Variants in BICRAL observed in about 807,000 individuals in gnomAD.
BICRAL encodes the protein BRD4-interacting chromatin-remodeling complex-associated protein-like.
A neutral mutation model predicts 91.8 loss-of-function variants in BICRAL; 8 were observed. The observed-to-expected ratio is 0.09, with a 90% CI of 0.05 to 0.16. BICRAL has a LOEUF of 0.16. Ranked by LOEUF, BICRAL falls within the 10% of genes least tolerant of loss-of-function variation. BICRAL has a pLI of 1.00. For missense variants in BICRAL, 1,038 were observed against 1,310.9 expected (o/e 0.79, Z 3.21); for synonymous variants, 445 against 491.1 (o/e 0.91, Z 1.24).
At chr6:42,839,441 G>T (rs1466211103) in intron 6 of BICRAL, among the ~76,000 whole-genome samples, 1 of 151,952 alleles carries the variant, frequency 6.6e-6, no homozygotes, top group Non-Finnish European at 1.5e-5. Context: ...ACCAGGCCCG[G>T]CCCAGGATTT....
intron 1 of BICRAL, among the ~76,000 whole-genome samples, chr6:42,769,664 C>T (rs141621220): frequency 5.6e-4 from 86 of 152,248 alleles, no homozygotes; most frequent in Middle Eastern, 6.8e-3. Flanking sequence ...CATGTGTGCT[C>T]GGAGCCCTCA....
Position 42,828,809 on chromosome 6 carries a change from C to T in BICRAL, c.476C>T (p.Ser159Leu). Reference sequence around the variant, plus strand: ...CAGGCTTCTAATGTTTCTAATTACTCAGGTCAGACGCTGCAGCCTATAGGG... The same window carrying T: ...CAGGCTTCTAATGTTTCTAATTACTTAGGTCAGACGCTGCAGCCTATAGGG... ...FTQASNVSNY[S>L]GQTLQPIGVT... is the part of the protein sequence containing the mutation. The change falls in exon 6 of 13, where the codon TCA becomes TTA. Residue 159 changes from serine (S) to leucine (L), a missense_variant. By Grantham distance (145) the Ser-to-Leu change is moderately radical. This residue lies in a region of BICRAL where 532 missense variants were observed against 724.9 expected (regional missense o/e 0.73). Transcript: ENST00000314073. The T allele has an allele frequency of 6.2e-7, 1 of 1,614,186 alleles. No individual in the cohort carries two copies. Among genetic ancestry groups the T allele is most frequent in the Non-Finnish European group, 8.5e-7 (1 of 1,180,010 alleles).
intron 1 of BICRAL, among the ~76,000 whole-genome samples, chr6:42,753,070 G>C (rs1762405181): frequency 6.6e-6 from 1 of 151,920 alleles, no homozygotes; most frequent in African/African-American, 2.4e-5. Flanking sequence ...GGGACGACAG[G>C]CACTTGCCAC....
chr6:42,851,540 T>A (rs1344741044), intron 6 of BICRAL, among the ~76,000 whole-genome samples: 3 of 152,216 alleles, frequency 2.0e-5, no homozygotes, highest in Non-Finnish European at 2.9e-5. Context: ...TTAAATTGAT[T>A]TTCATTTCTC....
intron 1 of BICRAL, among the ~76,000 whole-genome samples, chr6:42,756,919 T>C (rs962620307): frequency 1.9e-3 from 131 of 69,324 alleles, no homozygotes; most frequent in Middle Eastern, 7.1e-3. Flanking sequence ...TCTCTCCCTC[T>C]CCCCCCCCCC....
intron 1 of BICRAL, among the ~76,000 whole-genome samples, chr6:42,748,229 A>G (rs1482005947): frequency 6.7e-6 from 1 of 148,668 alleles, no homozygotes; most frequent in Non-Finnish European, 1.5e-5. Context: ...TAGCTGCTTT[A>G]TTTTATGAAA....
At chr6:42,763,262 ATG>A (rs1762581752) in intron 1 of BICRAL, among the ~76,000 whole-genome samples, 1 of 152,234 alleles carries the variant, frequency 6.6e-6, no homozygotes, top group South Asian at 2.1e-4. Flanking sequence ...AAAGACACAG[ATG>A]TAAGTCTTTA....
At chr6:42,781,596 G>GGT (rs61437847), upstream of BICRAL, among the ~76,000 whole-genome samples, 2,870 of 103,404 alleles carry the variant, frequency 0.028, 62 homozygotes, top group Middle Eastern at 0.077. Context: ...TGGGTGGGTG[G>GGT]GTGTGTGTGT....
chr6:42,827,313 TATC>T (rs1478025515), intron 5 of BICRAL, among the ~76,000 whole-genome samples: 1 of 152,226 alleles, frequency 6.6e-6, no homozygotes, highest in Admixed American at 6.5e-5. Context: ...CGTAAGATCA[TATC>T]ATGCAGGATA....
intron 1 of BICRAL, among the ~76,000 whole-genome samples, chr6:42,756,721 G>A (rs1312852838): frequency 6.6e-6 from 1 of 151,892 alleles, no homozygotes; most frequent in African/African-American, 2.4e-5. Context: ...GGCTTACACA[G>A]CAATAATTTC....
Position 42,865,503 on chromosome 6 carries a change from G to T in BICRAL, c.*57G>T. The T allele has an allele frequency of 1.1e-6, 1 of 883,018 alleles. No individual in the cohort carries two copies. The highest frequency in any genetic ancestry group is 1.6e-5 in the South Asian group (1 of 61,192). The allele number at this position is 883,018 out of a possible 1,614,324, so 54.7% of individuals were successfully genotyped here. A position where few individuals can be genotyped will look rare whatever the true frequency, so the allele number is the denominator to read the frequency against. On this transcript the variant is annotated 3_prime_UTR_variant, in exon 13 of 13. Transcript: ENST00000314073. Reference sequence around the variant, plus strand: ...GACCCCACCCCGAGACCCCACCCCGGACCAGTTACATTCGTTCCTGGCAAA... The same window carrying T: ...GACCCCACCCCGAGACCCCACCCCGTACCAGTTACATTCGTTCCTGGCAAA...
chr6:42,852,869 G>A (rs113008470), intron 7 of BICRAL, among the ~76,000 whole-genome samples: 62 of 151,718 alleles, frequency 4.1e-4, no homozygotes, highest in African/African-American at 1.2e-3. Context: ...AGGCCGAGGC[G>A]GGCAGATCAT....
chr6:42,770,295 C>T (rs1056408470), intron 1 of BICRAL, among the ~76,000 whole-genome samples: 3 of 152,086 alleles, frequency 2.0e-5, no homozygotes, highest in Admixed American at 1.3e-4. Flanking sequence ...GAGGCGTGAT[C>T]TCGGCTCACT....
chr6:42,819,459 G>A (rs1394044509), intron 2 of BICRAL, among the ~76,000 whole-genome samples: 1 of 151,582 alleles, frequency 6.6e-6, no homozygotes, highest in Non-Finnish European at 1.5e-5. Flanking sequence ...CTAATTTTTT[G>A]TATTTTTAGT....
At chr6:42,841,599 C>T (rs1013623364) in intron 6 of BICRAL, among the ~76,000 whole-genome samples, 2 of 152,116 alleles carry the variant, frequency 1.3e-5, no homozygotes, top group Non-Finnish European at 2.9e-5. Flanking sequence ...TATTTTCAGA[C>T]GTCTGGACTT....
At position 42,829,177 on chromosome 6, in the gene BICRAL, T is replaced by C; in HGVS notation, c.844T>C (p.Phe282Leu). ...SPVAQPVTVP[F>L]NSTNFQTSLP... Reference sequence around the variant, plus strand: ...AGTAGCACAGCCTGTTACCGTTCCATTTAACAGCACAAATTTTCAAACATC... The same window carrying C: ...AGTAGCACAGCCTGTTACCGTTCCACTTAACAGCACAAATTTTCAAACATC... The change falls in exon 6 of 13, where the codon TTT (phenylalanine) becomes CTT (leucine). Residue 282 changes from phenylalanine (F) to leucine (L), a missense_variant. Coordinates refer to ENST00000314073, the MANE Select transcript of BICRAL (RefSeq NM_001393499.1). The C allele has an allele frequency of 6.2e-7, 1 of 1,614,150 alleles. No homozygotes were observed. Among genetic ancestry groups the C allele is most frequent in the South Asian group, 1.1e-5 (1 of 91,082 alleles).
At chr6:42,750,163 C>T (rs960448078) in intron 1 of BICRAL, among the ~76,000 whole-genome samples, 3 of 150,298 alleles carry the variant, frequency 2.0e-5, no homozygotes, top group Non-Finnish European at 4.4e-5. Context: ...GTGCCTGGGC[C>T]CTTTTTTTTT....
chr6:42,758,651 G>A (rs1762495652), intron 1 of BICRAL, among the ~76,000 whole-genome samples: 1 of 150,856 alleles, frequency 6.6e-6, no homozygotes, highest in Non-Finnish European at 1.5e-5. Flanking sequence ...CTCAGACCAG[G>A]AGAATCAGGA....
At position 42,806,823 on chromosome 6, in the gene BICRAL, ATGTT is replaced by A. The variant is rs548327246; in HGVS notation, c.-101-3465_-101-3462del. ...AGCCACTGTGCTCAGCTGGTATTTC[ATGTT>A]TGTTTGTTTGTTTGTTTTTTGAGAC... On this transcript the variant is annotated intron_variant, in intron 1 of 12. Coordinates refer to ENST00000314073, the MANE Select transcript of BICRAL (RefSeq NM_001393499.1). Among the ~76,000 whole-genome samples the A allele has an allele frequency of 1.3e-4, 20 of 149,240 alleles. No individual in the cohort carries two copies. In the South Asian group the frequency reaches 3.0e-3, roughly 22 times the overall value.
Sources: allele counts gnomAD v4.1 joint callset (sites outside exome capture counted in the v4.1 genomes callset), GRCh38; gene constraint gnomAD v4.1.1; regional missense constraint gnomAD v4.1.1; transcripts MANE v1.5; gene names NCBI Gene and HGNC (gene_info 2026-07-23, HGNC 2026-07-21).